The following SDCCAG8 variants were observed in gnomAD, a reference collection of about 807,000 sequenced individuals.
SDCCAG8 encodes the protein SHH signaling and ciliogenesis regulator SDCCAG8.
In SDCCAG8, 74 loss-of-function variants were observed where a neutral mutation model predicts 101.8. That is an observed-to-expected ratio of 0.73 (90% CI 0.60 to 0.88). The LOEUF is 0.88. Among genes scored for constraint, SDCCAG8 ranks in the 40% least tolerant of loss-of-function variants. The pLI, the probability that SDCCAG8 is intolerant of heterozygous loss-of-function variation, is 0.00. For missense variants in SDCCAG8, 787 were observed against 822.6 expected (o/e 0.96, Z 0.53); for synonymous variants, 281 against 292.9 (o/e 0.96, Z 0.41).
chr1:243,422,977 C>T (rs1447718628), intron 15 of SDCCAG8, among the ~76,000 whole-genome samples: 1 of 152,066 alleles, frequency 6.6e-6, no homozygotes, highest in Non-Finnish European at 1.5e-5. Context: ...AATGTATCTC[C>T]TAACTAACAG....
chr1:243,429,723 A>G (rs2081589274), intron 16 of SDCCAG8, among the ~76,000 whole-genome samples: 3 of 107,760 alleles, frequency 2.8e-5, no homozygotes, highest in African/African-American at 3.7e-5. Flanking sequence ...TTTTTTTGAG[A>G]CAGAGTCTCA....
chr1:243,318,019 T>C (rs1015860497), intron 9 of SDCCAG8: 1 of 456,596 alleles, frequency 2.2e-6, no homozygotes, highest in African/African-American at 2.0e-5. Flanking sequence ...GACACATGCA[T>C]GTGAATTGTC....
intron 10 of SDCCAG8, among the ~76,000 whole-genome samples, chr1:243,339,174 C>T (rs1430823735): frequency 6.6e-6 from 1 of 151,932 alleles, no homozygotes; most frequent in South Asian, 2.1e-4. Context: ...AGGGAGGAAT[C>T]CTAAGGAAGG....
chr1:243,445,357 G>A (rs1258101656), intron 16 of SDCCAG8, among the ~76,000 whole-genome samples: 7 of 152,158 alleles, frequency 4.6e-5, no homozygotes, highest in Admixed American at 1.3e-4. Context: ...ACTCGAATCC[G>A]TTTTCTGACA....
intron 6 of SDCCAG8, 88 bp downstream of exon 6, chr1:243,293,307 CA>C: frequency 7.6e-7 from 1 of 1,310,218 alleles, no homozygotes; most frequent in Non-Finnish European, 1.1e-6. Flanking sequence ...ATATATATAA[CA>C]AAATTTACCA....
intron 5 of SDCCAG8, 62 bp downstream of exon 5, chr1:243,286,459 C>T (rs1358142760): frequency 1.3e-6 from 2 of 1,568,000 alleles, no homozygotes; most frequent in East Asian, 2.3e-5. Flanking sequence ...TGCCCTCTCT[C>T]CTCGCCTTCT....
chr1:243,336,776 T>G (rs964202897), intron 10 of SDCCAG8, among the ~76,000 whole-genome samples: 6 of 152,148 alleles, frequency 3.9e-5, no homozygotes. Context: ...CTTTTTCATG[T>G]TTGTTGGCCA....
intron 13 of SDCCAG8, among the ~76,000 whole-genome samples, chr1:243,393,111 G>C (rs1573775530): frequency 6.6e-6 from 1 of 152,196 alleles, no homozygotes. Flanking sequence ...GTGGGAGGTG[G>C]TTGTACAATC....
chr1:243,297,612 T>C (rs1267756534), intron 6 of SDCCAG8, among the ~76,000 whole-genome samples: 2 of 152,114 alleles, frequency 1.3e-5, no homozygotes, highest in Non-Finnish European at 2.9e-5. Flanking sequence ...TTACTAATCA[T>C]ATAGTATTGT....
intron 16 of SDCCAG8, among the ~76,000 whole-genome samples, chr1:243,447,999 C>T (rs4658570): frequency 0.039 from 5,921 of 152,214 alleles, 169 homozygotes; most frequent in South Asian, 0.12. Context: ...CTGTCCCAAC[C>T]GTGGCTTTTA....
At chr1:243,314,140 C>T (rs2073022422) in intron 8 of SDCCAG8, among the ~76,000 whole-genome samples, 1 of 152,136 alleles carries the variant, frequency 6.6e-6, no homozygotes, top group Non-Finnish European at 1.5e-5. Context: ...TCCTAAATTG[C>T]CAAAATGACT....
intron 12 of SDCCAG8, among the ~76,000 whole-genome samples, chr1:243,361,219 A>G (rs1269830550): frequency 1.3e-5 from 2 of 152,172 alleles, no homozygotes; most frequent in East Asian, 3.9e-4. Context: ...TATCCTGTGG[A>G]TCACAAAATA....
chr1:243,358,076 GA>G (rs1237534270), intron 12 of SDCCAG8, among the ~76,000 whole-genome samples: 10 of 151,276 alleles, frequency 6.6e-5, no homozygotes, highest in African/African-American at 9.7e-5. Flanking sequence ...AAGAACAATA[GA>G]AAAAAAATAG....
chr1:243,336,977 G>A (rs1035946579), intron 10 of SDCCAG8, among the ~76,000 whole-genome samples: 2 of 152,002 alleles, frequency 1.3e-5, no homozygotes, highest in South Asian at 2.1e-4. Flanking sequence ...AGTTTCTTTT[G>A]CTGTGCAGAA....
At chr1:243,344,099 G>GA in intron 11 of SDCCAG8, 116 bp from the exon 12 acceptor site, 3 of 810,792 alleles carry the variant, frequency 3.7e-6, no homozygotes, top group Non-Finnish European at 6.5e-6. Context: ...GGCATTCTTA[G>GA]AAAAGTTTTG....
intron 9 of SDCCAG8, among the ~76,000 whole-genome samples, chr1:243,322,454 T>C (rs2073833617): frequency 6.6e-6 from 1 of 152,232 alleles, no homozygotes; most frequent in Non-Finnish European, 1.5e-5. Context: ...TAAAGCTTTT[T>C]CCCATTGCAC....
At chr1:243,278,277 A>G (rs956976513) in intron 4 of SDCCAG8, among the ~76,000 whole-genome samples, 2 of 151,912 alleles carry the variant, frequency 1.3e-5, no homozygotes, top group Admixed American at 6.5e-5. Flanking sequence ...CTGGAGTGCA[A>G]TGTTGCAGTC....
chr1:243,462,099 C>G (rs1659233047), intron 16 of SDCCAG8, among the ~76,000 whole-genome samples: 1 of 152,212 alleles, frequency 6.6e-6, no homozygotes, highest in South Asian at 2.1e-4. Context: ...CACCACTTCT[C>G]AACCCTGCAT....
rs149495670 is a variant in SDCCAG8, at chr1:243,489,688, G to C, written c.2112+548G>C. ...ACATGCATTAATTCCCTTTACCCTT[G>C]AACAAGCAGGCGATGCTGACTTTAT... is the stretch of plus-strand genomic sequence containing the variant. On this transcript the variant is annotated intron_variant, in intron 17 of 17. Transcript: ENST00000366541. Among the ~76,000 whole-genome samples, 3 of 152,258 alleles carry C rather than the reference G, an allele frequency of 2.0e-5. No individual in the cohort carries two copies. In the East Asian group the frequency reaches 5.8e-4, roughly 29 times the overall value.
Sources: allele counts gnomAD v4.1 joint callset (sites outside exome capture counted in the v4.1 genomes callset), GRCh38; gene constraint gnomAD v4.1.1; transcripts MANE v1.5; gene names NCBI Gene and HGNC (gene_info 2026-07-23, HGNC 2026-07-21).